The following HMCN1 variants were observed in gnomAD, a reference collection of about 807,000 sequenced individuals.
HMCN1 encodes the protein hemicentin-1.
HMCN1 carries 321 observed loss-of-function variants against 625.9 expected under a neutral mutation model. The observed-to-expected ratio is 0.51, with a 90% confidence interval of 0.47 to 0.56. The LOEUF (loss-of-function observed/expected upper bound fraction) is 0.56, where lower values mean the gene tolerates loss of function less well. HMCN1 is among the 20% of genes least tolerant of loss of function. The probability of loss-of-function intolerance (pLI) is 0.00; values close to 1 mark genes in which losing one functional copy is unlikely to be tolerated. For synonymous variants in HMCN1, 2,425 were observed against 2,417.6 expected, an observed-to-expected ratio of 1.00 and a Z score of -0.09; for missense variants, 6,588 against 6,887.3, an observed-to-expected ratio of 0.96 and a Z score of 1.54.
At chr1:185,744,425 G>A (rs1654243049) in intron 1 of HMCN1, among the ~76,000 whole-genome samples, 1 of 152,066 alleles carries the variant, frequency 6.6e-6, no homozygotes. Flanking sequence ...GTTCCTTTGA[G>A]CCCTAGGCCA....
At chr1:185,784,483 C>A (rs1657412758) in intron 1 of HMCN1, among the ~76,000 whole-genome samples, 1 of 152,134 alleles carries the variant, frequency 6.6e-6, no homozygotes, top group Non-Finnish European at 1.5e-5. Context: ...TCCTGTTCGG[C>A]CATCTTGGAA....
chr1:186,047,352 T>A (rs1326095352), intron 41 of HMCN1, among the ~76,000 whole-genome samples: 1 of 152,148 alleles, frequency 6.6e-6, no homozygotes, highest in Non-Finnish European at 1.5e-5. Flanking sequence ...AAACCTTAAC[T>A]CTGACCAAAT....
chr1:186,129,942 T>C (rs1173367314), intron 83 of HMCN1, 24 bp from the exon 84 acceptor site: 1 of 1,612,172 alleles, frequency 6.2e-7, no homozygotes, highest in Admixed American at 1.7e-5. Flanking sequence ...GAGAGGCACT[T>C]GTGTTGTTTC....
At chr1:185,933,910 G>A in intron 11 of HMCN1, 86 bp downstream of exon 11, 2 of 1,140,926 alleles carry the variant, frequency 1.8e-6, no homozygotes, top group Non-Finnish European at 2.6e-6. Context: ...GGCTATCTGA[G>A]AGTGAGAGTA....
intron 4 of HMCN1, among the ~76,000 whole-genome samples, chr1:185,880,186 T>C (rs952349972): frequency 6.6e-6 from 1 of 152,136 alleles, no homozygotes; most frequent in Admixed American, 6.6e-5. Flanking sequence ...CCAGTAAAGA[T>C]TTGGCATAAG....
In HMCN1 at chr1:186,120,082, T is replaced by TA. The variant is rs1558238169; in HGVS notation, c.12167dup (p.Tyr4056Ter). Residue 4056 changes from tyrosine (Y) to a stop codon, truncating the protein, a stop_gained and frameshift_variant, in exon 80 of 107, where the codon TAC becomes TAAC. Coordinates refer to ENST00000271588, the MANE Select transcript of HMCN1 (RefSeq NM_031935.3). LOFTEE classifies it high-confidence loss of function. ...SRAVREDAGT[Y>*]MCVAQNPAGT... ...AGCTGTCCGAGAGGATGCTGGCACT[T>TA]ACATGTGTGTGGCCCAGAACCCGGC... 2 of 1,614,078 alleles carry TA rather than the reference T, an allele frequency of 1.2e-6. No homozygotes were observed. The highest frequency in any genetic ancestry group is 8.5e-7 in the Non-Finnish European group (1 of 1,179,984).
chr1:186,071,578 A>T (rs893984379), intron 52 of HMCN1, among the ~76,000 whole-genome samples: 2 of 150,540 alleles, frequency 1.3e-5, no homozygotes, highest in African/African-American at 2.4e-5. Context: ...TCAACCAAAT[A>T]GTCAGTCAAA....
chr1:186,030,769 A>G (rs1277760731), intron 36 of HMCN1, among the ~76,000 whole-genome samples: 1 of 151,486 alleles, frequency 6.6e-6, no homozygotes, highest in Admixed American at 6.6e-5. Context: ...CTCTTTCTCC[A>G]TTGCTAACAT....
chr1:185,895,502 T>C (rs1198323095), intron 4 of HMCN1, among the ~76,000 whole-genome samples: 1 of 152,234 alleles, frequency 6.6e-6, no homozygotes, highest in East Asian at 1.9e-4. Flanking sequence ...CTGACTTCAG[T>C]ATATTTAATT....
intron 29 of HMCN1, among the ~76,000 whole-genome samples, chr1:186,004,866 T>C (rs1653446811): frequency 6.6e-6 from 1 of 151,894 alleles, no homozygotes; most frequent in Non-Finnish European, 1.5e-5. Flanking sequence ...AAACCCAACA[T>C]TGGGAGAATA....
At chr1:185,904,359 G>A (rs1205721568) in intron 4 of HMCN1, among the ~76,000 whole-genome samples, 1 of 151,642 alleles carries the variant, frequency 6.6e-6, no homozygotes, top group Non-Finnish European at 1.5e-5. Flanking sequence ...TGATTGTTTT[G>A]GAAATGTGGC....
At chr1:186,081,737 G>T (rs938790600) in intron 56 of HMCN1, among the ~76,000 whole-genome samples, 2 of 152,036 alleles carry the variant, frequency 1.3e-5, no homozygotes, top group African/African-American at 4.8e-5. Flanking sequence ...TAAATGGTAG[G>T]AAGTTCCCTA....
chr1:186,121,473 A>T (rs974505757), intron 80 of HMCN1, among the ~76,000 whole-genome samples: 1 of 152,104 alleles, frequency 6.6e-6, no homozygotes, highest in Admixed American at 6.6e-5. Flanking sequence ...TGGAGGTGTA[A>T]TTGTTAGGAT....
At chr1:186,142,862 A>G (rs1179383774) in intron 89 of HMCN1, among the ~76,000 whole-genome samples, 2 of 152,232 alleles carry the variant, frequency 1.3e-5, no homozygotes, top group African/African-American at 4.8e-5. Flanking sequence ...ATTAAATGGC[A>G]TTATATTGTA....
At chr1:186,021,488 C>A (rs1654717483) in intron 35 of HMCN1, among the ~76,000 whole-genome samples, 1 of 151,878 alleles carries the variant, frequency 6.6e-6, no homozygotes. Flanking sequence ...ATGAGTTAAT[C>A]CAAGGAGAGA....
intron 34 of HMCN1, among the ~76,000 whole-genome samples, chr1:186,019,067 C>G (rs547752276): frequency 6.6e-6 from 1 of 152,044 alleles, no homozygotes; most frequent in South Asian, 2.1e-4. Flanking sequence ...TATAGATAAC[C>G]CTGTTTTTCA....
intron 24 of HMCN1, 41 bp downstream of exon 24, chr1:185,995,128 G>A: frequency 6.3e-7 from 1 of 1,586,754 alleles, no homozygotes; most frequent in Non-Finnish European, 8.7e-7. Flanking sequence ...GTAGGGTGGG[G>A]AGTGAGAGAA....
At chr1:186,084,097 A>G (rs1226624497) in intron 57 of HMCN1, among the ~76,000 whole-genome samples, 2 of 152,088 alleles carry the variant, frequency 1.3e-5, no homozygotes, top group Non-Finnish European at 2.9e-5. Flanking sequence ...GCATCTTGTA[A>G]ATACCCCAAT....
chr1:186,085,133 A>G (rs1558209027), intron 57 of HMCN1, among the ~76,000 whole-genome samples: 1 of 152,072 alleles, frequency 6.6e-6, no homozygotes, highest in Non-Finnish European at 1.5e-5. Context: ...TGAGCCCTCC[A>G]TACTGATTGC....
Sources: allele counts gnomAD v4.1 joint callset (sites outside exome capture counted in the v4.1 genomes callset), GRCh38; gene constraint gnomAD v4.1.1; transcripts MANE v1.5; gene names NCBI Gene and HGNC (gene_info 2026-07-23, HGNC 2026-07-21).